The following TMEM200A variants were observed in gnomAD, a reference collection of about 807,000 sequenced individuals.
TMEM200A encodes the protein transmembrane protein 200A.
A neutral mutation model predicts 24.3 loss-of-function variants in TMEM200A; 12 were observed. The observed-to-expected ratio is 0.49, with a 90% CI of 0.32 to 0.80. The LOEUF is 0.80. Ranked by LOEUF, TMEM200A falls within the 30% of genes least tolerant of loss-of-function variation. TMEM200A has a pLI of 0.04. For synonymous variants in TMEM200A, 224 were observed against 224.4 expected (o/e 1.00, Z 0.02); for missense variants, 545 against 614.4 (o/e 0.89, Z 1.19).
chr6:130,436,661 T>TTTTTTTTTTTTTTTTTTG (rs1583233845), intron 2 of TMEM200A, among the ~76,000 whole-genome samples: 1 of 120,716 alleles, frequency 8.3e-6, no homozygotes. Flanking sequence ...TTTTTTTTTT[T>TTTTTTTTTTTTTTTTTTG]TCAGAGAGAC....
chr6:130,423,542 TATAC>T (rs1256617334), intron 2 of TMEM200A, among the ~76,000 whole-genome samples: 2 of 151,898 alleles, frequency 1.3e-5, no homozygotes, highest in East Asian at 3.9e-4. Flanking sequence ...GGGAGAAAAA[TATAC>T]ATACAAATGT....
intron 2 of TMEM200A, chr6:130,437,554 T>G (rs1159395128): frequency 6.6e-6 from 1 of 152,184 alleles, no homozygotes; most frequent in African/African-American, 2.4e-5. Context: ...GCACCAAATG[T>G]GATTTTGCCA....
chr6:130,431,738 C>A (rs1035505135), intron 2 of TMEM200A, among the ~76,000 whole-genome samples: 1 of 152,026 alleles, frequency 6.6e-6, no homozygotes, highest in Admixed American at 6.6e-5. Context: ...TGTTCTATGT[C>A]ATTGTTACGC....
chr6:130,441,843 A>T lies in TMEM200A; in HGVS notation c.1421A>T (p.His474Leu), dbSNP rs781764914. ...SRSHNNLSFE[H>L]DEFLSNNLKR... ...TCTCACAATAATTTGAGTTTTGAAC[A>T]TGATGAGTTTTTGAGTAACAACCTA... is the stretch of plus-strand genomic sequence containing the variant. The change falls in exon 3 of 3, where the codon CAT becomes CTT. Residue 474 changes from histidine to leucine, a missense_variant. By Grantham distance (99) the His-to-Leu change is moderately conservative. Coordinates refer to ENST00000296978, the MANE Select transcript of TMEM200A (RefSeq NM_001258277.2). 1.2e-6 allele frequency: 2 copies of T among 1,613,294 alleles called. No individual in the cohort carries two copies. Among genetic ancestry groups the T allele is most frequent in the Non-Finnish European group, 8.5e-7 (1 of 1,179,752 alleles).
intron 2 of TMEM200A, among the ~76,000 whole-genome samples, chr6:130,385,532 G>A (rs1778691790): frequency 6.6e-6 from 1 of 152,172 alleles, no homozygotes; most frequent in African/African-American, 2.4e-5. Context: ...AGAGTAGGCT[G>A]TTTTAGCAAG....
chr6:130,389,214 C>T (rs1490542461), intron 2 of TMEM200A, among the ~76,000 whole-genome samples: 2 of 152,106 alleles, frequency 1.3e-5, no homozygotes, highest in South Asian at 2.1e-4. Context: ...GATAAAAATA[C>T]TAAATGTTTT....
At chr6:130,403,396 C>A (rs1195363139) in intron 2 of TMEM200A, among the ~76,000 whole-genome samples, 3 of 151,860 alleles carry the variant, frequency 2.0e-5, no homozygotes, top group Non-Finnish European at 4.4e-5. Context: ...ATTATTATTT[C>A]GATAAACGGT....
intron 2 of TMEM200A, among the ~76,000 whole-genome samples, chr6:130,387,928 G>A (rs1429062359): frequency 6.6e-6 from 1 of 152,178 alleles, no homozygotes; most frequent in Non-Finnish European, 1.5e-5. Context: ...AAAAGTGTAA[G>A]GGTAGGTATT....
chr6:130,441,862 C>A lies in TMEM200A; in HGVS notation c.1440C>A (p.Asn480Lys), dbSNP rs1419887001. 4.3e-6 allele frequency: 7 copies of A among 1,610,848 alleles called. No individual in the cohort carries two copies. In the East Asian group the frequency reaches 1.3e-4, roughly 31 times the overall value. The part of the protein sequence containing the change: ...LSFEHDEFLS[N>K]NLKRGTSETR... ...TTGAACATGATGAGTTTTTGAGTAA[C>A]AACCTAAAGAGGGGAACTTCTGAAA... Residue 480 changes from asparagine (N) to lysine (K), a missense_variant, in exon 3 of 3, where the codon AAC becomes AAA. Physicochemically the swap from Asn to Lys is moderately conservative, Grantham distance 94 (BLOSUM62 0). Transcript: ENST00000296978.
chr6:130,388,048 G>A (rs999386061), intron 2 of TMEM200A, among the ~76,000 whole-genome samples: 3 of 152,120 alleles, frequency 2.0e-5, no homozygotes, highest in Admixed American at 6.6e-5. Flanking sequence ...AGCAAGTGCC[G>A]CTCAGGAAAG....
intron 2 of TMEM200A, chr6:130,438,471 GT>G (rs1256649023): frequency 1.3e-5 from 2 of 152,142 alleles, no homozygotes; most frequent in Non-Finnish European, 2.9e-5. Flanking sequence ...ATATCTTCTT[GT>G]TTCCTACCAG....
At position 130,391,933 on chromosome 6, in the gene TMEM200A, C is replaced by T. The variant is rs145774059; in HGVS notation, c.-17+6697C>T. Among the ~76,000 whole-genome samples, 578 of 151,898 alleles carry T rather than the reference C, an allele frequency of 3.8e-3. 6 individuals carry two copies. Among genetic ancestry groups the T allele is most frequent in the African/African-American group, 0.013 (543 of 41,452 alleles). ...AATTTTTTGTATTTTTTAGTAGAGA[C>T]AAAGTTTCACCGCGTTAGCCAGGAT... On this transcript the variant is annotated intron_variant, in intron 2 of 2. Coordinates refer to ENST00000296978, the MANE Select transcript of TMEM200A (RefSeq NM_001258277.2).
chr6:130,435,749 G>A (rs1478507099), intron 2 of TMEM200A, among the ~76,000 whole-genome samples: 1 of 152,198 alleles, frequency 6.6e-6, no homozygotes, highest in Admixed American at 6.5e-5. Context: ...TTAACAAAAT[G>A]AAATTCAGTG....
At chr6:130,372,886 A>T (rs1778356229) in intron 1 of TMEM200A, among the ~76,000 whole-genome samples, 1 of 152,242 alleles carries the variant, frequency 6.6e-6, no homozygotes, top group Admixed American at 6.5e-5. Flanking sequence ...CTTTTAGAAC[A>T]ACTCAATAGA....
chr6:130,373,672 A>G (rs1055755535), intron 1 of TMEM200A, among the ~76,000 whole-genome samples: 2 of 152,194 alleles, frequency 1.3e-5, no homozygotes, highest in African/African-American at 4.8e-5. Context: ...TTTTTTGTGC[A>G]TAAGGGTTAT....
chr6:130,383,444 A>G (rs79318817), intron 1 of TMEM200A, among the ~76,000 whole-genome samples: 1 of 152,168 alleles, frequency 6.6e-6, no homozygotes, highest in African/African-American at 2.4e-5. Context: ...ATGCCGTCTT[A>G]ATAAAGTTGA....
intron 2 of TMEM200A, among the ~76,000 whole-genome samples, chr6:130,430,635 CTGGATGTCCCTTAAA>C (rs1202720222): frequency 6.6e-6 from 1 of 151,990 alleles, no homozygotes; most frequent in African/African-American, 2.4e-5. Flanking sequence ...TGAAAAACCC[CTGGATGTCCCTTAAA>C]TGCTAAAAGA....
chr6:130,415,962 GCTT>G (rs1192435629), intron 2 of TMEM200A, among the ~76,000 whole-genome samples: 1 of 151,998 alleles, frequency 6.6e-6, no homozygotes, highest in African/African-American at 2.4e-5. Flanking sequence ...AAATATTGTG[GCTT>G]TTTTTCTTTT....
At chr6:130,416,707 T>C (rs999012027) in intron 2 of TMEM200A, among the ~76,000 whole-genome samples, 1 of 152,192 alleles carries the variant, frequency 6.6e-6, no homozygotes, top group African/African-American at 2.4e-5. Flanking sequence ...TTTTTGCCCC[T>C]TTCCATACAG....
Sources: allele counts gnomAD v4.1 joint callset (sites outside exome capture counted in the v4.1 genomes callset), GRCh38; gene constraint gnomAD v4.1.1; transcripts MANE v1.5; gene names NCBI Gene and HGNC (gene_info 2026-07-23, HGNC 2026-07-21).